Variants in PPP3CA observed in about 807,000 individuals in gnomAD.
PPP3CA encodes the protein protein phosphatase 3 catalytic subunit alpha, also known as CAM-PRP catalytic subunit.
PPP3CA carries 14 observed loss-of-function variants against 66.5 expected under a neutral mutation model. The observed-to-expected ratio is 0.21, with a 90% confidence interval of 0.14 to 0.33. PPP3CA has a LOEUF of 0.33. PPP3CA is among the 10% of genes least tolerant of loss of function. The probability of loss-of-function intolerance (pLI) is 1.00; values close to 1 mark genes in which losing one functional copy is unlikely to be tolerated. For synonymous variants in PPP3CA, 232 were observed against 226.2 expected (o/e 1.03, Z -0.23); for missense variants, 317 against 639.5 (o/e 0.50, Z 5.44).
intron 2 of PPP3CA, among the ~76,000 whole-genome samples, chr4:101,128,586 C>T (rs1273713163): frequency 1.3e-5 from 2 of 151,626 alleles, no homozygotes; most frequent in Non-Finnish European, 2.9e-5. Flanking sequence ...GTGGCTATAA[C>T]CCACAGAGGG....
intron 1 of PPP3CA, among the ~76,000 whole-genome samples, chr4:101,329,482 A>G (rs1729311204): frequency 6.6e-6 from 1 of 152,208 alleles, no homozygotes. Context: ...GTTATCCAGG[A>G]GACCTTGCTT....
intron 1 of PPP3CA, among the ~76,000 whole-genome samples, chr4:101,226,070 C>A (rs917700530): frequency 3.3e-5 from 5 of 151,692 alleles, no homozygotes; most frequent in African/African-American, 1.2e-4. Flanking sequence ...TAATATTATT[C>A]TTCTTTCTAC....
At chr4:101,026,715 A>G (rs1253506951) in intron 13 of PPP3CA, among the ~76,000 whole-genome samples, 1 of 152,148 alleles carries the variant, frequency 6.6e-6, no homozygotes, top group Non-Finnish European at 1.5e-5. Flanking sequence ...GGAGTGAGTG[A>G]CAAGGTAAGA....
At chr4:101,112,253 AG>A (rs1286246807) in intron 2 of PPP3CA, among the ~76,000 whole-genome samples, 1 of 152,180 alleles carries the variant, frequency 6.6e-6, no homozygotes, top group Non-Finnish European at 1.5e-5. Flanking sequence ...GCTTAAGTAT[AG>A]AAGTACATTA....
chr4:101,218,679 A>C (rs1054787733), intron 1 of PPP3CA, among the ~76,000 whole-genome samples: 1 of 152,074 alleles, frequency 6.6e-6, no homozygotes, highest in Non-Finnish European at 1.5e-5. Flanking sequence ...AGTTCATCCA[A>C]CATCCCGATA....
intron 8 of PPP3CA, among the ~76,000 whole-genome samples, chr4:101,079,016 T>C (rs955540525): frequency 5.9e-5 from 9 of 152,174 alleles, no homozygotes; most frequent in African/African-American, 2.2e-4. Context: ...TCCTTCACTA[T>C]AGAGGAGGAC....
At chr4:101,037,639 T>C (rs1727311956) in intron 11 of PPP3CA, among the ~76,000 whole-genome samples, 1 of 152,140 alleles carries the variant, frequency 6.6e-6, no homozygotes, top group Admixed American at 6.6e-5. Context: ...TCATTATCCA[T>C]ACGTCACCTT....
chr4:101,252,613 T>G (rs907080245), intron 1 of PPP3CA, among the ~76,000 whole-genome samples: 7 of 152,176 alleles, frequency 4.6e-5, no homozygotes, highest in Non-Finnish European at 1.0e-4. Context: ...TTACATGGAA[T>G]TTTAGTTTCC....
At chr4:101,159,622 C>G (rs1042952873) in intron 2 of PPP3CA, among the ~76,000 whole-genome samples, 1 of 152,134 alleles carries the variant, frequency 6.6e-6, no homozygotes, top group African/African-American at 2.4e-5. Flanking sequence ...TCTAAATGAA[C>G]AGCTGTATTT....
intron 2 of PPP3CA, among the ~76,000 whole-genome samples, chr4:101,191,880 A>G (rs1348133619): frequency 6.6e-6 from 1 of 152,182 alleles, no homozygotes; most frequent in African/African-American, 2.4e-5. Flanking sequence ...CACTGAGGGA[A>G]TCCTCTGCTG....
chr4:101,114,517 G>T (rs1417508654), intron 2 of PPP3CA, among the ~76,000 whole-genome samples: 2 of 151,918 alleles, frequency 1.3e-5, no homozygotes, highest in Non-Finnish European at 2.9e-5. Flanking sequence ...CCCTAAGTCG[G>T]GTCACTCAGC....
intron 6 of PPP3CA, among the ~76,000 whole-genome samples, chr4:101,091,015 A>G (rs1453105855): frequency 6.6e-6 from 1 of 151,930 alleles, no homozygotes; most frequent in Non-Finnish European, 1.5e-5. Context: ...GTCTAATGCC[A>G]TAATATTATA....
chr4:101,166,713 T>C lies in PPP3CA; in HGVS notation c.259+29203A>G, dbSNP rs115445264. 8.2e-3 allele frequency among the ~76,000 whole-genome samples: 1,250 copies of C among 152,274 alleles called. 17 individuals are homozygous for C. Among genetic ancestry groups the C allele is most frequent in the African/African-American group, 0.029 (1,201 of 41,548 alleles). On this transcript the variant is annotated intron_variant, in intron 2 of 13. Transcript: ENST00000394854. ...CAATATTTGAAAAGTATTTAGTTCA[T>C]CATTTAAAAGACGGATAAAATACTT...
chr4:101,301,422 A>G lies in PPP3CA; in HGVS notation c.58+45317T>C, dbSNP rs1349671494. 2.0e-5 allele frequency among the ~76,000 whole-genome samples: 3 copies of G among 147,110 alleles called. No individual in the cohort carries two copies. In the East Asian group the frequency reaches 5.8e-4, roughly 29 times the overall value. On this transcript the variant is annotated intron_variant, in intron 1 of 13. Coordinates refer to ENST00000394854, the MANE Select transcript of PPP3CA (RefSeq NM_000944.5). ...AACAACCATTATGTATATTAAATTT[A>G]TATATAATATATATTAATTATATAT...
At chr4:101,060,792 G>A (rs114549154) in intron 10 of PPP3CA, among the ~76,000 whole-genome samples, 2,103 of 151,984 alleles carry the variant, frequency 0.014, 53 homozygotes, top group African/African-American at 0.048. Context: ...AGAAAATAAA[G>A]GATTAAATTT....
At chr4:101,226,156 C>G (rs547403710) in intron 1 of PPP3CA, among the ~76,000 whole-genome samples, 1 of 151,658 alleles carries the variant, frequency 6.6e-6, no homozygotes, top group Non-Finnish European at 1.5e-5. Flanking sequence ...GCTGAAACAC[C>G]TCTGCCAAGA....
At chr4:101,300,477 T>C (rs1049731759) in intron 1 of PPP3CA, among the ~76,000 whole-genome samples, 1 of 152,222 alleles carries the variant, frequency 6.6e-6, no homozygotes, top group Non-Finnish European at 1.5e-5. Flanking sequence ...ATTTTTGTTT[T>C]AATGTTTTAA....
chr4:101,185,132 T>C (rs1203767279), intron 2 of PPP3CA, among the ~76,000 whole-genome samples: 1 of 152,072 alleles, frequency 6.6e-6, no homozygotes, highest in Non-Finnish European at 1.5e-5. Context: ...ATAAAATAAT[T>C]CAGCACTTGC....
chr4:101,057,687 G>A (rs989544266), intron 10 of PPP3CA, among the ~76,000 whole-genome samples: 2 of 152,108 alleles, frequency 1.3e-5, no homozygotes, highest in African/African-American at 4.8e-5. Context: ...ATTCAAAAAG[G>A]GTAAATGTAG....
Sources: gnomAD v4.1 joint callset for allele counts (sites outside exome capture counted in the v4.1 genomes callset) on GRCh38, gnomAD v4.1.1 for gene constraint, MANE v1.5 for transcripts, NCBI Gene and HGNC (gene_info 2026-07-23, HGNC 2026-07-21) for gene names.